The following GPD2 variants were observed in gnomAD, a reference collection of about 807,000 sequenced individuals.
The protein encoded by GPD2 is glycerol-3-phosphate dehydrogenase 2.
GPD2 carries 54 observed loss-of-function variants against 82.4 expected under a neutral mutation model. The observed-to-expected ratio is 0.66, with a 90% confidence interval of 0.53 to 0.82. The LOEUF is 0.82. GPD2 is among the 40% of genes least tolerant of loss of function. GPD2 has a pLI of 0.00. For synonymous variants in GPD2, 288 were observed against 306.1 expected, an observed-to-expected ratio of 0.94 and a Z score of 0.62; for missense variants, 748 against 896.2, an observed-to-expected ratio of 0.83 and a Z score of 2.11.
upstream of GPD2, among the ~76,000 whole-genome samples, chr2:156,430,717 G>C (rs1274198292): frequency 2.0e-5 from 3 of 152,136 alleles, no homozygotes; most frequent in Non-Finnish European, 2.9e-5. Context: ...TTTGAGCTTT[G>C]GTAACCAATG....
chr2:156,440,486 A>G (rs774985594), intron 1 of GPD2, among the ~76,000 whole-genome samples: 11 of 152,230 alleles, frequency 7.2e-5, no homozygotes, highest in Middle Eastern at 3.4e-3. Flanking sequence ...GAATGTGACC[A>G]TGTTTGTTTG....
At chr2:156,578,373 T>C (rs1488357494) in intron 13 of GPD2, among the ~76,000 whole-genome samples, 1 of 135,454 alleles carries the variant, frequency 7.4e-6, no homozygotes, top group Non-Finnish European at 1.5e-5. Context: ...CTTTAATTAC[T>C]TTTTTTTTTT....
intron 6 of GPD2, among the ~76,000 whole-genome samples, chr2:156,517,613 T>A (rs1422261297): frequency 1.3e-5 from 2 of 152,210 alleles, no homozygotes; most frequent in Admixed American, 1.3e-4. Flanking sequence ...ATAAGGGAGT[T>A]ATCAAGTAGA....
At chr2:156,580,441 G>A (rs939166746) in intron 16 of GPD2, among the ~76,000 whole-genome samples, 1 of 152,012 alleles carries the variant, frequency 6.6e-6, no homozygotes, top group Non-Finnish European at 1.5e-5. Flanking sequence ...GCTACATATC[G>A]TTTCTTAAAA....
At chr2:156,499,810 G>GT (rs766813953) in intron 3 of GPD2, among the ~76,000 whole-genome samples, 129 of 141,204 alleles carry the variant, frequency 9.1e-4, no homozygotes, top group Middle Eastern at 7.2e-3. Context: ...TTTTTGGGTG[G>GT]TTTTTTTTTT....
At chr2:156,554,049 C>G (rs972469013) in intron 8 of GPD2, among the ~76,000 whole-genome samples, 5 of 152,210 alleles carry the variant, frequency 3.3e-5, no homozygotes, top group South Asian at 2.1e-4. Flanking sequence ...CATTCAGGCT[C>G]TCTTGCAGAT....
At chr2:156,404,342 G>T in the GPD2 span, among the ~76,000 whole-genome samples, 1 of 152,096 alleles carries the variant, frequency 6.6e-6, no homozygotes, top group Non-Finnish European at 1.5e-5. Context: ...GAGCTATACT[G>T]TGCCACTGCA....
At chr2:156,455,198 A>T (rs1050291639) in intron 1 of GPD2, among the ~76,000 whole-genome samples, 1 of 152,152 alleles carries the variant, frequency 6.6e-6, no homozygotes, top group Non-Finnish European at 1.5e-5. Flanking sequence ...GACTGCCCTG[A>T]ATCCAGTCTT....
chr2:156,513,497 G>T lies in GPD2; in HGVS notation c.661+1G>T, dbSNP rs1335067457. 3 of 1,601,330 alleles carry T rather than the reference G, an allele frequency of 1.9e-6. No homozygotes were observed. The highest frequency in any genetic ancestry group is 1.1e-5 in the South Asian group (1 of 90,538). On this transcript the variant is annotated splice_donor_variant, in intron 6 of 16. Coordinates refer to ENST00000438166, the MANE Select transcript of GPD2 (RefSeq NM_000408.5). LOFTEE classifies it high-confidence loss of function. The stretch of plus-strand genomic sequence containing the variant: ...GTAGGAGCAATTGTCTACTATGACG[G>T]TATGTGATGTTTTTTTTTTTTTTCC...
the GPD2 span, among the ~76,000 whole-genome samples, chr2:156,426,484 C>G: frequency 6.6e-6 from 1 of 152,188 alleles, no homozygotes; most frequent in East Asian, 1.9e-4. Context: ...CCTGGTTTCT[C>G]CCTTAACACA....
intron 2 of GPD2, among the ~76,000 whole-genome samples, chr2:156,492,926 G>C (rs555218397): frequency 1.1e-3 from 161 of 152,300 alleles, no homozygotes; most frequent in African/African-American, 3.6e-3. Context: ...TCAATTTTGA[G>C]ATATATGTAA....
At chr2:156,508,336 A>G (rs1253233557) in intron 3 of GPD2, among the ~76,000 whole-genome samples, 1 of 151,982 alleles carries the variant, frequency 6.6e-6, no homozygotes, top group Non-Finnish European at 1.5e-5. Context: ...TACTGGAAAG[A>G]GAGAGAGCAC....
At chr2:156,473,193 A>T (rs1391644035) in intron 1 of GPD2, among the ~76,000 whole-genome samples, 1 of 152,282 alleles carries the variant, frequency 6.6e-6, no homozygotes, top group South Asian at 2.1e-4. Context: ...TTATTTTTTT[A>T]AATTATGGAA....
intron 6 of GPD2, among the ~76,000 whole-genome samples, chr2:156,518,620 C>CTACT (rs1685285156): frequency 6.6e-6 from 1 of 152,132 alleles, no homozygotes; most frequent in African/African-American, 2.4e-5. Context: ...TTGATTTTAT[C>CTACT]TACTTGGAAA....
At chr2:156,492,299 G>A (rs577623137) in intron 2 of GPD2, among the ~76,000 whole-genome samples, 9 of 150,888 alleles carry the variant, frequency 6.0e-5, no homozygotes, top group East Asian at 4.0e-4. Context: ...AACTATAGGC[G>A]TGTGCCACCA....
rs1458529017 is a variant in GPD2 at position 156,436,503 on chromosome 2, A to C, written c.-19A>C. ...GCCCGCTGGCCCCTCGCGCGTGAGG[A>C]TCTATCTCAGGTGTGTGCTTCCTGG... is the stretch of plus-strand genomic sequence containing the variant. On this transcript the variant is annotated 5_prime_UTR_variant, in exon 1 of 17. Transcript: ENST00000438166. 1.3e-5 allele frequency: 2 copies of C among 152,252 alleles called. No individual in the cohort carries two copies. Among genetic ancestry groups the C allele is most frequent in the Admixed American group, 1.3e-4 (2 of 15,284 alleles). 9.4% of individuals were successfully genotyped at this position (152,252 alleles called of 1,614,324 possible).
Position 156,496,176 on chromosome 2 carries a change from G to GC in GPD2, c.236dup (p.Thr80AsnfsTer23). ...TGATATCCTTGTTATTGGAGGAGGA[G>GC]CAACAGGAAGTGGCTGTGCGCTAGA... On this transcript the variant is annotated frameshift_variant, in exon 3 of 17. Transcript: ENST00000438166. LOFTEE classifies it high-confidence loss of function. 6.2e-7 allele frequency: 1 copy of GC among 1,612,700 alleles called. No individual in the cohort carries two copies. The highest frequency in any genetic ancestry group is 8.5e-7 in the Non-Finnish European group (1 of 1,178,846).
intron 6 of GPD2, among the ~76,000 whole-genome samples, chr2:156,527,204 A>G (rs1685640663): frequency 6.6e-6 from 1 of 152,140 alleles, no homozygotes. Flanking sequence ...TATCTCTTCA[A>G]TTAAAAAGCC....
intron 6 of GPD2, among the ~76,000 whole-genome samples, chr2:156,547,726 C>A (rs1686601021): frequency 6.6e-6 from 1 of 152,202 alleles, no homozygotes; most frequent in South Asian, 2.1e-4. Context: ...GCTTGAAGAA[C>A]TATAACCTAT....
Sources: allele counts gnomAD v4.1 joint callset (sites outside exome capture counted in the v4.1 genomes callset), GRCh38; gene constraint gnomAD v4.1.1; transcripts MANE v1.5; gene names NCBI Gene and HGNC (gene_info 2026-07-23, HGNC 2026-07-21).